Variants in SLC10A7 observed in about 807,000 individuals in gnomAD.
SLC10A7 encodes sodium/bile acid cotransporter 7.
Under a neutral mutation model 43.2 loss-of-function variants are expected in SLC10A7, and 29 were observed. The ratio of observed to expected loss-of-function variants is 0.67; its 90% CI spans 0.50 to 0.92. SLC10A7 has a LOEUF of 0.92. Ranked by LOEUF, SLC10A7 falls within the 40% of genes least tolerant of loss-of-function variation. The pLI, the probability that SLC10A7 is intolerant of heterozygous loss-of-function variation, is 0.00. For missense variants in SLC10A7, 295 were observed against 403.2 expected (o/e 0.73, Z 2.30); for synonymous variants, 152 against 144.8 (o/e 1.05, Z -0.35).
intron 10 of SLC10A7, among the ~76,000 whole-genome samples, chr4:146,262,840 T>C (rs544571986): frequency 2.3e-4 from 35 of 152,210 alleles, no homozygotes; most frequent in African/African-American, 8.4e-4. Flanking sequence ...GTGACCAGAG[T>C]GAACATTCTA....
intron 5 of SLC10A7, among the ~76,000 whole-genome samples, chr4:146,398,889 T>C (rs1469487914): frequency 6.6e-6 from 1 of 152,208 alleles, no homozygotes; most frequent in Non-Finnish European, 1.5e-5. Context: ...ATTTAGCACA[T>C]ACTAGGTGCC....
intron 4 of SLC10A7, among the ~76,000 whole-genome samples, chr4:146,443,637 A>G (rs1306370773): frequency 6.6e-6 from 1 of 152,224 alleles, no homozygotes; most frequent in Non-Finnish European, 1.5e-5. Flanking sequence ...TCTCCTGCAT[A>G]CCCAGAGCAG....
intron 5 of SLC10A7, among the ~76,000 whole-genome samples, chr4:146,402,556 C>T (rs1404412166): frequency 6.6e-6 from 1 of 152,042 alleles, no homozygotes; most frequent in Non-Finnish European, 1.5e-5. Context: ...GCCACTCCAA[C>T]CCTGGCTGCC....
chr4:146,389,543 T>A (rs1035105007), intron 5 of SLC10A7, among the ~76,000 whole-genome samples: 2 of 152,218 alleles, frequency 1.3e-5, no homozygotes, highest in Non-Finnish European at 2.9e-5. Flanking sequence ...TACAGCAGCC[T>A]GAACCAACTA....
At chr4:146,319,778 T>C (rs1732572676) in intron 6 of SLC10A7, among the ~76,000 whole-genome samples, 1 of 152,038 alleles carries the variant, frequency 6.6e-6, no homozygotes, top group Non-Finnish European at 1.5e-5. Flanking sequence ...AGAATGCTTA[T>C]ATGCTAATAG....
chr4:146,498,755 G>T (rs1225568739), intron 4 of SLC10A7, among the ~76,000 whole-genome samples: 1 of 152,110 alleles, frequency 6.6e-6, no homozygotes, highest in Non-Finnish European at 1.5e-5. Flanking sequence ...AGTTCCTTCT[G>T]CTGCTAAAAA....
At chr4:146,340,502 C>T (rs1204299939) in intron 5 of SLC10A7, among the ~76,000 whole-genome samples, 1 of 148,678 alleles carries the variant, frequency 6.7e-6, no homozygotes, top group Non-Finnish European at 1.5e-5. Flanking sequence ...TACACATATA[C>T]ATATATATGT....
chr4:146,295,510 C>T (rs1174241409), intron 7 of SLC10A7, among the ~76,000 whole-genome samples: 2 of 151,978 alleles, frequency 1.3e-5, no homozygotes, highest in Non-Finnish European at 2.9e-5. Context: ...AAATTTAAAA[C>T]ACAGTGATGT....
rs562794840 is a variant in SLC10A7, at chr4:146,358,239, G to A, written c.436-32243C>T. Among the ~76,000 whole-genome samples the A allele has an allele frequency of 2.0e-5, 3 of 152,238 alleles. No individual in the cohort carries two copies. The South Asian group carries it at 6.2e-4, about 32-fold the overall frequency. On this transcript the variant is annotated intron_variant, in intron 5 of 11. Transcript: ENST00000335472. Reference sequence around the variant, plus strand: ...AAAATAGTGCTACAAGAATGGGGAGGAGGTAGACCAAGGATGAGGGAAGAA... The same window carrying A: ...AAAATAGTGCTACAAGAATGGGGAGAAGGTAGACCAAGGATGAGGGAAGAA...
intron 5 of SLC10A7, among the ~76,000 whole-genome samples, chr4:146,414,787 T>A (rs1304716915): frequency 6.6e-6 from 1 of 150,510 alleles, no homozygotes; most frequent in Non-Finnish European, 1.5e-5. Context: ...TCATGACTTT[T>A]ATAAAAACCT....
chr4:146,256,392 T>A lies in SLC10A7; in HGVS notation c.*99A>T, dbSNP rs1293914501. On this transcript the variant is annotated 3_prime_UTR_variant, in exon 12 of 12. Transcript: ENST00000335472. ...CATATTTTTGTGTAAAAAAATAAAA[T>A]ATGCATTGAGGCAACATTCACAAGT... 1 of 1,128,870 alleles carries A rather than the reference T, an allele frequency of 8.9e-7. No homozygotes were observed. The highest frequency in any genetic ancestry group is 1.3e-6 in the Non-Finnish European group (1 of 760,862). 69.9% of individuals were successfully genotyped at this position (1,128,870 alleles called of 1,614,324 possible).
intron 6 of SLC10A7, among the ~76,000 whole-genome samples, chr4:146,310,344 T>C (rs756976302): frequency 4.6e-5 from 7 of 152,154 alleles, no homozygotes; most frequent in Non-Finnish European, 7.4e-5. Context: ...TATGCAGTAA[T>C]GGGATTGCTG....
intron 4 of SLC10A7, among the ~76,000 whole-genome samples, chr4:146,500,682 A>G (rs1736316942): frequency 6.6e-6 from 1 of 152,146 alleles, no homozygotes; most frequent in Admixed American, 6.5e-5. Flanking sequence ...TCCATTAAAA[A>G]AATTTCTACC....
At chr4:146,458,501 G>T (rs1404098753) in intron 4 of SLC10A7, among the ~76,000 whole-genome samples, 12 of 151,828 alleles carry the variant, frequency 7.9e-5, no homozygotes, top group African/African-American at 2.9e-4. Context: ...AGCAGACCAA[G>T]TCAGTTAGTC....
chr4:146,266,702 A>G (rs1056510230), intron 10 of SLC10A7, among the ~76,000 whole-genome samples: 1 of 152,176 alleles, frequency 6.6e-6, no homozygotes, highest in East Asian at 1.9e-4. Context: ...TTTATCATTG[A>G]TCATATCCAG....
chr4:146,471,043 T>C (rs1733525108), intron 4 of SLC10A7, among the ~76,000 whole-genome samples: 1 of 152,214 alleles, frequency 6.6e-6, no homozygotes. Flanking sequence ...ACACATTGAG[T>C]ATCCCTTAAC....
At chr4:146,287,055 T>TGTGTTTCGAGTGGTGAGAAGGACC (rs1730057924) in intron 9 of SLC10A7, among the ~76,000 whole-genome samples, 21 of 141,968 alleles carry the variant, frequency 1.5e-4, no homozygotes, top group Admixed American at 2.1e-4. Flanking sequence ...TGAGAGGGAC[T>TGTGTTTCGAGTGGTGAGAAGGACC]GAGTTTGGAG....
At chr4:146,506,112 C>T (rs1481804260) in intron 3 of SLC10A7, among the ~76,000 whole-genome samples, 5 of 152,060 alleles carry the variant, frequency 3.3e-5, no homozygotes, top group Non-Finnish European at 5.9e-5. Context: ...CCTCCTCTTC[C>T]AGCCCCTTCC....
intron 6 of SLC10A7, among the ~76,000 whole-genome samples, chr4:146,320,946 G>C (rs77428958): frequency 6.6e-6 from 1 of 152,054 alleles, no homozygotes; most frequent in African/African-American, 2.4e-5. Flanking sequence ...TGAATCAGAG[G>C]ACAGGTTTTG....
Sources: allele counts gnomAD v4.1 joint callset (sites outside exome capture counted in the v4.1 genomes callset), GRCh38; gene constraint gnomAD v4.1.1; transcripts MANE v1.5; gene names NCBI Gene and HGNC (gene_info 2026-07-23, HGNC 2026-07-21).